Variants in SBF2 observed in about 807,000 individuals in gnomAD.
SBF2 encodes the protein SET binding factor 2, also known as myotubularin-related protein 13.
SBF2 carries 112 observed loss-of-function variants against 225.2 expected under a neutral mutation model. The ratio of observed to expected loss-of-function variants is 0.50; its 90% confidence interval spans 0.43 to 0.58. SBF2 has a LOEUF of 0.58. Ranked by LOEUF, SBF2 falls within the 20% of genes least tolerant of loss-of-function variation. The pLI is 0.00. For synonymous variants in SBF2, 763 were observed against 773.3 expected (o/e 0.99, Z 0.22); for missense variants, 1,996 against 2,206.2 (o/e 0.90, Z 1.91).
chr11:9,853,388 T>C, intron 20 of SBF2, 152 bp downstream of exon 20: 1 of 704,946 alleles, frequency 1.4e-6, no homozygotes. Context: ...TATATATGTA[T>C]TTTACAACAA....
chr11:9,868,175 G>A (rs1389092907), intron 17 of SBF2, among the ~76,000 whole-genome samples: 1 of 151,798 alleles, frequency 6.6e-6, no homozygotes, highest in Non-Finnish European at 1.5e-5. Flanking sequence ...TCTAGTCATT[G>A]TTCAAATTTA....
chr11:10,118,100 A>G (rs1159038474), intron 2 of SBF2, among the ~76,000 whole-genome samples: 1 of 152,206 alleles, frequency 6.6e-6, no homozygotes, highest in Non-Finnish European at 1.5e-5. Flanking sequence ...TTGATTCATT[A>G]TTAGAATTCA....
chr11:10,227,732 T>C (rs1168185458), intron 1 of SBF2, among the ~76,000 whole-genome samples: 4 of 152,108 alleles, frequency 2.6e-5, no homozygotes, highest in Non-Finnish European at 1.5e-5. Flanking sequence ...TAGCCTTGTA[T>C]ATAGTCTGAA....
intron 2 of SBF2, among the ~76,000 whole-genome samples, chr11:10,098,720 CGAAATTCTGGAGCTGAAGA>C (rs1952155688): frequency 7.1e-6 from 1 of 140,256 alleles, no homozygotes; most frequent in African/African-American, 2.7e-5. Flanking sequence ...CACACACACA[CGAAATTCTGGAGCTGAAGA>C]ACACCATAAA....
intron 16 of SBF2, chr11:9,956,597 T>C (rs1426000020): frequency 6.6e-6 from 1 of 150,384 alleles, no homozygotes; most frequent in African/African-American, 2.5e-5. Context: ...GATCTTATGT[T>C]AGGCTGATTT....
chr11:10,232,395 C>T (rs1033952398), intron 1 of SBF2, among the ~76,000 whole-genome samples: 3 of 152,202 alleles, frequency 2.0e-5, no homozygotes, highest in Admixed American at 6.5e-5. Flanking sequence ...TCTTCTGCGT[C>T]GCTCACGCTG....
At chr11:10,112,614 A>C (rs1952930565) in intron 2 of SBF2, among the ~76,000 whole-genome samples, 1 of 152,238 alleles carries the variant, frequency 6.6e-6, no homozygotes, top group African/African-American at 2.4e-5. Context: ...TGCAACCTTT[A>C]ATAAGTCAGT....
chr11:9,933,223 C>T (rs1864631100), intron 16 of SBF2, among the ~76,000 whole-genome samples: 1 of 152,086 alleles, frequency 6.6e-6, no homozygotes, highest in African/African-American at 2.4e-5. Context: ...GACTTCAACA[C>T]CCCACTGTCT....
intron 2 of SBF2, among the ~76,000 whole-genome samples, chr11:10,062,441 C>A (rs1565186761): frequency 6.6e-6 from 1 of 152,178 alleles, no homozygotes; most frequent in East Asian, 1.9e-4. Context: ...AACTATGCAT[C>A]TGACAAAGGT....
intron 17 of SBF2, among the ~76,000 whole-genome samples, chr11:9,893,046 A>C (rs1410135316): frequency 1.3e-5 from 2 of 152,198 alleles, no homozygotes; most frequent in Non-Finnish European, 2.9e-5. Flanking sequence ...ATACTCAATA[A>C]ACTTTTGTTC....
chr11:9,789,110 C>T lies in SBF2; in HGVS notation c.4931G>A (p.Ser1644Asn), dbSNP rs754078134. ...TQPDALTSLF[S>N]EIEKLEHKLN... is the part of the protein sequence containing the mutation. ...GGTGTGTGTCTACAGTTGACTTACA[C>T]TGAAAAGGCTGGTGAGAGCATCAGG... The change falls in exon 35 of 40, where the codon AGT becomes AAT. Residue 1644 changes from serine to asparagine, a missense_variant and splice_region_variant. Coordinates refer to ENST00000256190, the MANE Select transcript of SBF2 (RefSeq NM_030962.4). 6.2e-6 allele frequency: 10 copies of T among 1,614,038 alleles called. No homozygotes were observed. Among genetic ancestry groups the T allele is most frequent in the Non-Finnish European group, 7.6e-6 (9 of 1,179,938 alleles).
chr11:10,002,484 T>C, intron 7 of SBF2, 73 bp downstream of exon 7: 1 of 1,236,936 alleles, frequency 8.1e-7, no homozygotes, highest in Non-Finnish European at 1.2e-6. Flanking sequence ...CATTGTGCCA[T>C]AACATTATGA....
intron 2 of SBF2, among the ~76,000 whole-genome samples, chr11:10,120,631 T>G (rs1246624919): frequency 6.6e-6 from 1 of 151,834 alleles, no homozygotes; most frequent in African/African-American, 2.4e-5. Flanking sequence ...TTTTCTTCTG[T>G]TTTTTTTGAG....
intron 6 of SBF2, among the ~76,000 whole-genome samples, chr11:10,019,713 C>G (rs1033933005): frequency 6.7e-6 from 1 of 149,366 alleles, no homozygotes; most frequent in Admixed American, 6.7e-5. Flanking sequence ...AAGATTAAAA[C>G]AAGTAATAAT....
intron 27 of SBF2, 60 bp from the exon 28 acceptor site, chr11:9,829,556 C>T: frequency 2.5e-6 from 3 of 1,210,194 alleles, no homozygotes; most frequent in Non-Finnish European, 3.7e-6. Flanking sequence ...AAACAAGTAT[C>T]TATCTATCTA....
intron 1 of SBF2, among the ~76,000 whole-genome samples, chr11:10,259,796 T>A (rs984395983): frequency 2.0e-5 from 3 of 152,100 alleles, no homozygotes; most frequent in African/African-American, 7.2e-5. Context: ...TAAAAAATAA[T>A]TTTTTATTTT....
chr11:10,043,582 CT>C (rs34817330), intron 2 of SBF2, among the ~76,000 whole-genome samples: 77,642 of 150,604 alleles, frequency 0.52, 20,329 homozygotes, highest in Admixed American at 0.6. Context: ...ACAACACTTT[CT>C]TTTTTTTTTG....
intron 13 of SBF2, among the ~76,000 whole-genome samples, chr11:9,985,798 C>T (rs528760796): frequency 6.6e-6 from 1 of 152,104 alleles, no homozygotes; most frequent in East Asian, 1.9e-4. Context: ...TACTAATAGA[C>T]CTAAGAAATG....
chr11:9,804,034 G>A (rs1489803566), intron 32 of SBF2, among the ~76,000 whole-genome samples: 1 of 152,108 alleles, frequency 6.6e-6, no homozygotes, highest in Admixed American at 6.5e-5. Flanking sequence ...GGACTAGCTG[G>A]AAGTCTATGG....
Sources: allele counts gnomAD v4.1 joint callset (sites outside exome capture counted in the v4.1 genomes callset), GRCh38; gene constraint gnomAD v4.1.1; transcripts MANE v1.5; gene names NCBI Gene and HGNC (gene_info 2026-07-23, HGNC 2026-07-21).